Variants in NPY2R observed in about 807,000 individuals in gnomAD.
NPY2R encodes neuropeptide Y receptor type 2.
In NPY2R, 17 loss-of-function variants were observed where a neutral mutation model predicts 22.3. The observed-to-expected ratio is 0.76, with a 90% confidence interval of 0.52 to 1.14. The LOEUF (loss-of-function observed/expected upper bound fraction) is 1.14, where lower values mean the gene tolerates loss of function less well. Among genes scored for constraint, NPY2R ranks in the 50% most tolerant of loss-of-function variants. The pLI, the probability that NPY2R is intolerant of heterozygous loss-of-function variation, is 0.00. For missense variants in NPY2R, 424 were observed against 467.9 expected (o/e 0.91, Z 0.87); for synonymous variants, 209 against 183.4 (o/e 1.14, Z -1.13).
Position 155,216,711 on chromosome 4 carries a change from A to G in NPY2R, c.*1626A>G. On this transcript the variant is annotated 3_prime_UTR_variant, in exon 2 of 2. Transcript: ENST00000329476. ...AAAAAGAATGAAAACAATATGTTAG[A>G]TTAGGTGTAAGACTTTAAGAAGCGA... is the stretch of plus-strand genomic sequence containing the variant. The G allele has an allele frequency of 6.0e-6, 1 of 167,202 alleles. No individual in the cohort carries two copies. 10.4% of individuals were successfully genotyped at this position (167,202 alleles called of 1,614,324 possible).
upstream of NPY2R, chr4:155,206,788 A>G (rs1471174750): frequency 1.3e-5 from 2 of 152,240 alleles, no homozygotes; most frequent in Non-Finnish European, 2.9e-5. Context: ...CTAAAAGACA[A>G]CACTCATCTG....
chr4:155,189,023 C>T, the NPY2R span, among the ~76,000 whole-genome samples: 4 of 152,046 alleles, frequency 2.6e-5, no homozygotes, highest in Admixed American at 1.3e-4. Context: ...GACCAGAGAC[C>T]TGCAGAGCTT....
chr4:155,180,809 G>A, the NPY2R span, among the ~76,000 whole-genome samples: 1 of 151,136 alleles, frequency 6.6e-6, no homozygotes, highest in East Asian at 1.9e-4. Flanking sequence ...ATATTTTCTT[G>A]ATTTTAACAT....
the NPY2R span, among the ~76,000 whole-genome samples, chr4:155,185,337 C>A: frequency 6.6e-6 from 1 of 152,058 alleles, no homozygotes; most frequent in Non-Finnish European, 1.5e-5. Flanking sequence ...CGCGCCCAGC[C>A]AACATATATT....
chr4:155,190,301 A>G, the NPY2R span, among the ~76,000 whole-genome samples: 7 of 152,050 alleles, frequency 4.6e-5, no homozygotes, highest in Non-Finnish European at 8.8e-5. Flanking sequence ...CAAGTATTGC[A>G]TCATTTCCTT....
At chr4:155,189,321 A>G in the NPY2R span, among the ~76,000 whole-genome samples, 1 of 152,030 alleles carries the variant, frequency 6.6e-6, no homozygotes, top group Non-Finnish European at 1.5e-5. Context: ...ATCCTGCACT[A>G]TATGGAGCCA....
chr4:155,210,864 G>T (rs1368017923), intron 1 of NPY2R, among the ~76,000 whole-genome samples: 2 of 152,142 alleles, frequency 1.3e-5, no homozygotes, highest in Admixed American at 6.5e-5. Context: ...TAAATGGAGC[G>T]GGAGAAAGAG....
chr4:155,203,495 G>A, the NPY2R span, among the ~76,000 whole-genome samples: 9 of 152,220 alleles, frequency 5.9e-5, no homozygotes, highest in East Asian at 3.9e-4. Flanking sequence ...CTATTTTAAA[G>A]TAGTACACTT....
At chr4:155,192,415 T>C in the NPY2R span, among the ~76,000 whole-genome samples, 14 of 151,980 alleles carry the variant, frequency 9.2e-5, no homozygotes, top group Admixed American at 2.0e-4. Flanking sequence ...AAAAAAGGCC[T>C]AGTAGCTTGC....
rs772600135 is a variant in NPY2R at position 155,214,834 on chromosome 4, G to A, written c.895G>A (p.Asp299Asn). Residue 299 changes from aspartate (D) to asparagine (N), a missense_variant, in exon 2 of 2, where the codon GAC becomes AAC. Asp to Asn is a conservative substitution (Grantham distance 23). Coordinates refer to ENST00000329476, the MANE Select transcript of NPY2R (RefSeq NM_000910.4). ...LAVDIDSQVL[D>N]LKEYKLIFTV... ...CGTTGACATTGACAGCCAGGTCCTG[G>A]ACCTGAAGGAGTACAAACTCATCTT... is the stretch of plus-strand genomic sequence containing the variant. 1.2e-6 allele frequency: 2 copies of A among 1,610,418 alleles called. No individual in the cohort carries two copies. Among genetic ancestry groups the A allele is most frequent in the Non-Finnish European group, 1.7e-6 (2 of 1,177,690 alleles).
upstream of NPY2R, among the ~76,000 whole-genome samples, chr4:155,205,547 T>C (rs1405473043): frequency 1.3e-5 from 2 of 152,178 alleles, no homozygotes; most frequent in Admixed American, 6.5e-5. Context: ...AATATTTGGA[T>C]TGTTCAGTTA....
At chr4:155,207,473 A>G (rs1433282170), upstream of NPY2R, 1 of 152,248 alleles carries the variant, frequency 6.6e-6, no homozygotes, top group Non-Finnish European at 1.5e-5. Context: ...TTAAGTAAAG[A>G]CTTAGGTTAC....
chr4:155,174,698 T>C, the NPY2R span, among the ~76,000 whole-genome samples: 1 of 151,632 alleles, frequency 6.6e-6, no homozygotes, highest in South Asian at 2.1e-4. Context: ...GACACAGCCA[T>C]GATAGAAAAG....
At position 155,208,880 on chromosome 4, in the gene NPY2R, C is replaced by T. The variant is rs949740162; in HGVS notation, c.-238C>T. 2 of 152,198 alleles carry T rather than the reference C, an allele frequency of 1.3e-5. No homozygotes were observed. The highest frequency in any genetic ancestry group is 2.9e-5 in the Non-Finnish European group (2 of 68,076). The allele number at this position is 152,198 out of a possible 1,614,324, so 9.4% of individuals were successfully genotyped here. On this transcript the variant is annotated 5_prime_UTR_variant, in exon 1 of 2. Transcript: ENST00000329476. The surrounding 1 kb of genome is among the most constrained non-coding windows in gnomAD (Gnocchi z 5.6). ...CAGCAGACCCGGCAGCGCCAACCGC[C>T]CAGCCGCTCTGACTGCTCCGGCTGC... is the stretch of plus-strand genomic sequence containing the variant.
chr4:155,176,975 T>A, the NPY2R span, among the ~76,000 whole-genome samples: 5 of 152,190 alleles, frequency 3.3e-5, no homozygotes, highest in East Asian at 9.7e-4. Flanking sequence ...TATCACATAA[T>A]CACTTCCTAG....
At chr4:155,199,605 T>G in the NPY2R span, among the ~76,000 whole-genome samples, 2 of 152,134 alleles carry the variant, frequency 1.3e-5, no homozygotes, top group African/African-American at 4.8e-5. Context: ...TCATACTACC[T>G]GACTTCAAAC....
At position 155,215,188 on chromosome 4, in the gene NPY2R, A is replaced by G. The variant is rs1332171815; in HGVS notation, c.*103A>G. 1.8e-6 allele frequency: 2 copies of G among 1,115,108 alleles called. No individual in the cohort carries two copies. The highest frequency in any genetic ancestry group is 2.7e-6 in the Non-Finnish European group (2 of 743,978). 69.1% of individuals were successfully genotyped at this position (1,115,108 alleles called of 1,614,324 possible). ...AACTGATTTCCCATTTTAAAGAAGA[A>G]GTGGATCTAAATGGAAGCATCTGCT... On this transcript the variant is annotated 3_prime_UTR_variant, in exon 2 of 2. Coordinates refer to ENST00000329476, the MANE Select transcript of NPY2R (RefSeq NM_000910.4).
intron 1 of NPY2R, among the ~76,000 whole-genome samples, chr4:155,212,532 G>T (rs1729426737): frequency 6.6e-6 from 1 of 152,160 alleles, no homozygotes; most frequent in Non-Finnish European, 1.5e-5. Flanking sequence ...TTAAATGCAT[G>T]ATGCATGCAG....
At position 155,208,762 on chromosome 4, in the gene NPY2R, C is replaced by T. The variant is rs955547990; in HGVS notation, c.-356C>T. Reference sequence around the variant, plus strand: ...TGTGTTTAAGGGTGGGGTTTGCCCCCCTCCCCACGCTCCCATCTCTGATCC... The same window carrying T: ...TGTGTTTAAGGGTGGGGTTTGCCCCTCTCCCCACGCTCCCATCTCTGATCC... On this transcript the variant is annotated 5_prime_UTR_variant, in exon 1 of 2. Coordinates refer to ENST00000329476, the MANE Select transcript of NPY2R (RefSeq NM_000910.4). The surrounding 1 kb of genome is among the most constrained non-coding windows in gnomAD (Gnocchi z 5.6). The T allele has an allele frequency of 6.6e-6, 1 of 152,390 alleles. No individual in the cohort carries two copies. The highest frequency in any genetic ancestry group is 1.5e-5 in the Non-Finnish European group (1 of 68,216). The allele number at this position is 152,390 out of a possible 1,614,324, so 9.4% of individuals were successfully genotyped here. A position where few individuals can be genotyped will look rare whatever the true frequency, so the allele number is the denominator to read the frequency against.
Sources: allele counts gnomAD v4.1 joint callset (sites outside exome capture counted in the v4.1 genomes callset), GRCh38; gene constraint gnomAD v4.1.1; non-coding constraint Gnocchi (gnomAD v3.1); transcripts MANE v1.5; gene names NCBI Gene and HGNC (gene_info 2026-07-23, HGNC 2026-07-21).